The following NEDD9 variants were observed in gnomAD, a reference collection of about 807,000 sequenced individuals.
NEDD9 encodes the protein neural precursor cell expressed, developmentally down-regulated 9.
Under a neutral mutation model 76.6 loss-of-function variants are expected in NEDD9, and 26 were observed. The observed-to-expected ratio is 0.34, with a 90% CI of 0.25 to 0.47. The LOEUF (loss-of-function observed/expected upper bound fraction) is 0.47. NEDD9 is among the 20% of genes least tolerant of loss of function. The pLI, the probability that NEDD9 is intolerant of heterozygous loss-of-function variation, is 1.00. For synonymous variants in NEDD9, 392 were observed against 414.2 expected (o/e 0.95, Z 0.65); for missense variants, 937 against 1,058.5 (o/e 0.89, Z 1.59).
Position 11,185,581 on chromosome 6 carries a change from T to G in NEDD9, c.2086A>C (p.Thr696Pro), listed in dbSNP as rs759740305. The change falls in exon 7 of 7, where the codon ACA (threonine) becomes CCA (proline). Residue 696 changes from threonine (T) to proline (P), a missense_variant. By Grantham distance (38) the Thr-to-Pro change is conservative (BLOSUM62 -1). Coordinates refer to ENST00000379446, the MANE Select transcript of NEDD9 (RefSeq NM_006403.4). Reference sequence around the variant, plus strand: ...TCCTGAGCACTCACGCCACTGTTTGTGGTGGGTAGGCTCTGAGAGGGCTTC... The same window carrying G: ...TCCTGAGCACTCACGCCACTGTTTGGGGTGGGTAGGCTCTGAGAGGGCTTC... The part of the protein sequence containing the change: ...KWKPSQSLPT[T>P]NSGVSAQDRQ... 72 of 1,614,070 alleles carry G rather than the reference T, an allele frequency of 4.5e-5. No homozygotes were observed. The highest frequency in any genetic ancestry group is 5.5e-5 in the Non-Finnish European group (65 of 1,180,036).
intron 3 of NEDD9, among the ~76,000 whole-genome samples, chr6:11,268,772 A>C (rs1727546512): frequency 6.7e-6 from 1 of 148,494 alleles, no homozygotes; most frequent in South Asian, 2.1e-4. Context: ...CACACACACA[A>C]CCAATATTTG....
intron 2 of NEDD9, among the ~76,000 whole-genome samples, chr6:11,195,087 A>G (rs981321719): frequency 1.3e-5 from 2 of 152,190 alleles, no homozygotes; most frequent in African/African-American, 4.8e-5. Flanking sequence ...TGCCTACAGA[A>G]CTATGTGAAA....
intron 2 of NEDD9, among the ~76,000 whole-genome samples, chr6:11,324,969 CAG>C (rs1158019005): frequency 6.6e-6 from 1 of 152,200 alleles, no homozygotes; most frequent in Non-Finnish European, 1.5e-5. Context: ...AATGAAGACA[CAG>C]AAAGAAATAG....
intron 4 of NEDD9, 146 bp from the exon 5 acceptor site, chr6:11,191,351 TCTG>T: frequency 1.2e-6 from 1 of 841,466 alleles, no homozygotes; most frequent in Non-Finnish European, 1.8e-6. Context: ...TCCCCGTTAT[TCTG>T]CTGTCACTTC....
intron 1 of NEDD9, among the ~76,000 whole-genome samples, chr6:11,376,813 C>A (rs188251457): frequency 8.5e-4 from 129 of 152,314 alleles, no homozygotes; most frequent in African/African-American, 2.9e-3. Flanking sequence ...AAAAACCCTC[C>A]AAAGGCATTT....
intron 3 of NEDD9, among the ~76,000 whole-genome samples, chr6:11,285,404 T>C (rs1760626345): frequency 6.6e-6 from 1 of 152,224 alleles, no homozygotes. Flanking sequence ...ATCGGTAAGA[T>C]GTCAGTTCTT....
At chr6:11,232,831 C>T (rs143883668), upstream of NEDD9, 20 of 819,170 alleles carry the variant, frequency 2.4e-5, no homozygotes, top group Non-Finnish European at 3.1e-5. Context: ...CTTTATCAGA[C>T]GGTGGAAAAT....
intron 1 of NEDD9, among the ~76,000 whole-genome samples, chr6:11,358,787 GC>G (rs1468809755): frequency 6.6e-6 from 1 of 152,128 alleles, no homozygotes; most frequent in Non-Finnish European, 1.5e-5. Flanking sequence ...ATGGTGGGTG[GC>G]GGAGTGTTGC....
intron 2 of NEDD9, among the ~76,000 whole-genome samples, chr6:11,322,720 G>A (rs74549412): frequency 0.057 from 8,691 of 152,250 alleles, 274 homozygotes; most frequent in Middle Eastern, 0.11. Flanking sequence ...AGTCATTACC[G>A]GAATGACGTG....
At chr6:11,250,311 T>G (rs1172224645) in intron 3 of NEDD9, among the ~76,000 whole-genome samples, 2 of 152,182 alleles carry the variant, frequency 1.3e-5, no homozygotes, top group Non-Finnish European at 1.5e-5. Context: ...AACCTAAATC[T>G]AATTTGACAT....
In NEDD9 at chr6:11,192,413, G is replaced by A; in HGVS notation, c.595C>T (p.Pro199Ser). 6.2e-7 allele frequency: 1 copy of A among 1,609,506 alleles called. No homozygotes were observed. Among genetic ancestry groups the A allele is most frequent in the South Asian group, 1.1e-5 (1 of 89,936 alleles). The change falls in exon 4 of 7, where the codon CCT becomes TCT. Residue 199 changes from proline to serine, a missense_variant. Coordinates refer to ENST00000379446, the MANE Select transcript of NEDD9 (RefSeq NM_006403.4). ...TCTCCCACTGGAACTGAAAACACAGGGCCTTTTGCTGATGAGGGAGGGATG... is the reference window on the plus strand; with the variant it reads ...TCTCCCACTGGAACTGAAAACACAGAGCCTTTTGCTGATGAGGGAGGGATG... ...YDIPPSSAKG[P>S]VFSVPVGEIK...
rs995123161 is a variant in NEDD9 at position 11,241,663 on chromosome 6, G to A, written c.13-27936C>T. Among the ~76,000 whole-genome samples, 7 of 152,134 alleles carry A rather than the reference G, an allele frequency of 4.6e-5. No individual in the cohort carries two copies. Among genetic ancestry groups the A allele is most frequent in the African/African-American group, 1.7e-4 (7 of 41,422 alleles). On this transcript the variant is annotated intron_variant, in intron 3 of 3. Coordinates refer to the NEDD9 transcript ENST00000397378. The surrounding 1 kb of genome is among the most constrained non-coding windows in gnomAD (Gnocchi z 4.0). Reference sequence around the variant, plus strand: ...AAGGGAGTGTTTTAAACACCAAATGGCCACTAGTAATGCCCAGGGTACCTC... The same window carrying A: ...AAGGGAGTGTTTTAAACACCAAATGACCACTAGTAATGCCCAGGGTACCTC...
At chr6:11,269,524 G>T (rs1182691447) in intron 3 of NEDD9, among the ~76,000 whole-genome samples, 1 of 152,138 alleles carries the variant, frequency 6.6e-6, no homozygotes, top group Non-Finnish European at 1.5e-5. Context: ...ACACAAAATT[G>T]CATACAAACT....
intron 2 of NEDD9, among the ~76,000 whole-genome samples, chr6:11,201,814 A>G (rs1758464500): frequency 6.7e-6 from 1 of 148,272 alleles, no homozygotes; most frequent in Non-Finnish European, 1.5e-5. Context: ...TCTAGATTCT[A>G]TGTCCCGTGA....
intron 3 of NEDD9, chr6:11,271,759 T>C (rs16871186): frequency 0.082 from 12,448 of 152,298 alleles, 593 homozygotes; most frequent in Middle Eastern, 0.15. Flanking sequence ...GGAAGTGGTA[T>C]GTCATCCATT....
intron 3 of NEDD9, among the ~76,000 whole-genome samples, chr6:11,291,748 A>G (rs1436370413): frequency 3.3e-5 from 5 of 152,230 alleles, no homozygotes; most frequent in African/African-American, 9.6e-5. Flanking sequence ...TGTGGGTTAC[A>G]GCACCATGGT....
At chr6:11,315,446 T>C (rs916769435) in intron 2 of NEDD9, among the ~76,000 whole-genome samples, 2 of 152,248 alleles carry the variant, frequency 1.3e-5, no homozygotes, top group South Asian at 2.1e-4. Flanking sequence ...TTTTTGGTTA[T>C]GATATATTTC....
intron 1 of NEDD9, among the ~76,000 whole-genome samples, chr6:11,355,019 A>C (rs79087521): frequency 6.6e-6 from 1 of 152,292 alleles, no homozygotes; most frequent in East Asian, 1.9e-4. Context: ...GACATACTCC[A>C]TCCTTTTGTT....
intron 1 of NEDD9, among the ~76,000 whole-genome samples, chr6:11,346,485 C>CA (rs200366705): frequency 4.6e-5 from 7 of 150,974 alleles, no homozygotes; most frequent in East Asian, 2.3e-4. Flanking sequence ...AGGCCCCCCC[C>CA]CCCGAGGTGA....
Sources: gnomAD v4.1 joint callset for allele counts (sites outside exome capture counted in the v4.1 genomes callset) on GRCh38, gnomAD v4.1.1 for gene constraint, Gnocchi (gnomAD v3.1) non-coding constraint, MANE v1.5 for transcripts, NCBI Gene and HGNC (gene_info 2026-07-23, HGNC 2026-07-21) for gene names.